SLC24A2: variants seen among roughly 807,000 people sequenced by gnomAD.
SLC24A2 encodes the protein sodium/potassium/calcium exchanger 2.
Under a neutral mutation model 62.0 loss-of-function variants are expected in SLC24A2, and 36 were observed. The observed-to-expected ratio is 0.58, with a 90% confidence interval of 0.44 to 0.77. SLC24A2 has a LOEUF of 0.77. SLC24A2 is among the 30% of genes least tolerant of loss of function. SLC24A2 has a pLI of 0.00. For synonymous variants in SLC24A2, 358 were observed against 294.0 expected (o/e 1.22, Z -2.23); for missense variants, 846 against 817.9 (o/e 1.03, Z -0.42).
At chr9:20,050,643 G>C in the SLC24A2 span, among the ~76,000 whole-genome samples, 1 of 152,176 alleles carries the variant, frequency 6.6e-6, no homozygotes, top group Non-Finnish European at 1.5e-5. Context: ...AGGTTATAAA[G>C]ATGTATCAAC....
chr9:19,610,081 G>A (rs899154664), intron 4 of SLC24A2, among the ~76,000 whole-genome samples: 1 of 152,152 alleles, frequency 6.6e-6, no homozygotes, highest in South Asian at 2.1e-4. Context: ...GATTACAGGT[G>A]CATTAGGTGA....
intron 2 of SLC24A2, among the ~76,000 whole-genome samples, chr9:19,706,579 C>T (rs1450622386): frequency 6.6e-6 from 1 of 152,128 alleles, no homozygotes; most frequent in East Asian, 1.9e-4. Flanking sequence ...GGGGTTTCAC[C>T]GTGTTAGCCA....
rs377526540 is a variant in SLC24A2 at position 19,516,318 on chromosome 9, G to A, written c.1821C>T (p.Ile607=). 17 of 1,614,042 alleles carry A rather than the reference G, an allele frequency of 1.1e-5. No homozygotes were observed. Among genetic ancestry groups the A allele is most frequent in the African/African-American group, 1.3e-5 (1 of 74,906 alleles). Residue 607 remains isoleucine, a synonymous_variant, in exon 11 of 11, where the codon ATC becomes ATT. Transcript: ENST00000341998. The stretch of plus-strand genomic sequence containing the variant: ...AGAGCAGCATGATGAAGAGAAGGAC[G>A]ATGGCACAGAAAAGGCCATTGCTGC... ...AVSSNGLFCA[I]VLLFIMLLFV... is the part of the protein sequence containing the mutation.
the SLC24A2 span, among the ~76,000 whole-genome samples, chr9:19,837,562 G>C: frequency 6.7e-6 from 1 of 149,158 alleles, no homozygotes; most frequent in South Asian, 2.1e-4. Context: ...TGGAAGTTCT[G>C]GCCAGGGCAA....
chr9:20,225,287 T>C, the SLC24A2 span, among the ~76,000 whole-genome samples: 5 of 151,770 alleles, frequency 3.3e-5, no homozygotes, highest in African/African-American at 7.3e-5. Context: ...TGTATAACAA[T>C]GCACATTGTT....
Position 19,513,178 on chromosome 9 carries a change from A to ATATATATATG in SLC24A2, c.*2974_*2975insCATATATATA, listed in dbSNP as rs1554665739. 1.4e-4 allele frequency: 15 copies of ATATATATATG among 108,200 alleles called. No individual in the cohort carries two copies. Among genetic ancestry groups the ATATATATATG allele is most frequent in the African/African-American group, 3.7e-4 (10 of 26,978 alleles). The allele number at this position is 108,200 out of a possible 1,614,324, so 6.7% of individuals were successfully genotyped here. On this transcript the variant is annotated 3_prime_UTR_variant, in exon 11 of 11. Coordinates refer to ENST00000341998, the MANE Select transcript of SLC24A2 (RefSeq NM_020344.4). ...GATATATATATATATATATATATGT[A>ATATATATATG]TATATATATATATGTATATATTTAT...
At chr9:19,854,391 GT>G in the SLC24A2 span, among the ~76,000 whole-genome samples, 1 of 152,050 alleles carries the variant, frequency 6.6e-6, no homozygotes, top group Non-Finnish European at 1.5e-5. Context: ...ATGTTAGGAT[GT>G]CAATTTGAGA....
chr9:20,189,343 G>A, the SLC24A2 span, among the ~76,000 whole-genome samples: 1 of 152,152 alleles, frequency 6.6e-6, no homozygotes, highest in African/African-American at 2.4e-5. Flanking sequence ...ATCGACTGCT[G>A]GGAGCTCTGG....
chr9:20,217,398 T>A, the SLC24A2 span, among the ~76,000 whole-genome samples: 1 of 152,212 alleles, frequency 6.6e-6, no homozygotes, highest in Non-Finnish European at 1.5e-5. Flanking sequence ...ATGCAGGTAC[T>A]GGCTACACTG....
the SLC24A2 span, among the ~76,000 whole-genome samples, chr9:20,007,911 T>C: frequency 1.1e-4 from 11 of 101,880 alleles, no homozygotes; most frequent in Non-Finnish European, 2.0e-4. Context: ...TTTTTTTTTT[T>C]TTTTGACAGA....
chr9:20,230,318 C>A, the SLC24A2 span, among the ~76,000 whole-genome samples: 2 of 152,124 alleles, frequency 1.3e-5, no homozygotes, highest in East Asian at 3.9e-4. Context: ...CACTGATTTC[C>A]ACAATGGTTG....
At chr9:20,047,958 G>C in the SLC24A2 span, among the ~76,000 whole-genome samples, 4 of 152,222 alleles carry the variant, frequency 2.6e-5, no homozygotes, top group East Asian at 5.8e-4. Flanking sequence ...TAGGTTAGTA[G>C]TTAGGTTGAA....
At chr9:20,182,701 T>C in the SLC24A2 span, among the ~76,000 whole-genome samples, 1 of 152,082 alleles carries the variant, frequency 6.6e-6, no homozygotes, top group African/African-American at 2.4e-5. Flanking sequence ...AGTTGATGGG[T>C]GCAGCAAACC....
At chr9:19,654,111 T>C (rs900007069) in intron 2 of SLC24A2, among the ~76,000 whole-genome samples, 1 of 152,212 alleles carries the variant, frequency 6.6e-6, no homozygotes, top group African/African-American at 2.4e-5. Flanking sequence ...AAGCAACCAT[T>C]GATCCACTTT....
chr9:20,021,648 C>T, the SLC24A2 span, among the ~76,000 whole-genome samples: 1 of 152,112 alleles, frequency 6.6e-6, no homozygotes, highest in Non-Finnish European at 1.5e-5. Context: ...CCTCTATGGA[C>T]AATTCTGCCC....
chr9:19,861,847 G>A, the SLC24A2 span, among the ~76,000 whole-genome samples: 1 of 151,862 alleles, frequency 6.6e-6, no homozygotes, highest in Non-Finnish European at 1.5e-5. Context: ...GCAGAAGAAA[G>A]AACTAGTGAA....
At chr9:19,935,427 T>C in the SLC24A2 span, among the ~76,000 whole-genome samples, 3 of 152,088 alleles carry the variant, frequency 2.0e-5, no homozygotes, top group South Asian at 4.1e-4. Context: ...ACCCAGCACT[T>C]AAGAGCAGCA....
chr9:19,528,753 C>A (rs2209802), intron 8 of SLC24A2, among the ~76,000 whole-genome samples: 95,184 of 151,948 alleles, frequency 0.63, 30,362 homozygotes, highest in East Asian at 0.93. Flanking sequence ...CTGGAACCAC[C>A]CATGGACCAG....
At position 19,786,798 on chromosome 9, in the gene SLC24A2, G is replaced by A. The variant is rs769549223; in HGVS notation, c.69C>T (p.Gly23=). Residue 23 remains glycine (G), a synonymous_variant, in exon 2 of 11, where the codon GGC becomes GGT. Coordinates refer to ENST00000341998, the MANE Select transcript of SLC24A2 (RefSeq NM_020344.4). The surrounding 1 kb of genome is among the most constrained non-coding windows in gnomAD (Gnocchi z 5.0). ...TCTTGACACTATAATGTCTTCTGCA[G>A]CCAGACAGTGACTCATCCAAACACC... is the stretch of plus-strand genomic sequence containing the variant. ...EKWCLDESLS[G]CRRHYSVKKK... is the part of the protein sequence containing the mutation. 6 of 1,610,386 alleles carry A rather than the reference G, an allele frequency of 3.7e-6. No individual in the cohort carries two copies. The highest frequency in any genetic ancestry group is 1.3e-5 in the African/African-American group (1 of 74,700).
Sources: gnomAD v4.1 joint callset for allele counts (sites outside exome capture counted in the v4.1 genomes callset) on GRCh38, gnomAD v4.1.1 for gene constraint, Gnocchi (gnomAD v3.1) non-coding constraint, MANE v1.5 for transcripts, NCBI Gene and HGNC (gene_info 2026-07-23, HGNC 2026-07-21) for gene names.